DMD: variants seen among roughly 807,000 people sequenced by gnomAD.
The protein encoded by DMD is mutant dystrophin.
Under a neutral mutation model 330.1 loss-of-function variants are expected in DMD, and 63 were observed. The ratio of observed to expected loss-of-function variants is 0.19; its 90% CI spans 0.16 to 0.24. The LOEUF (loss-of-function observed/expected upper bound fraction) is 0.24. DMD is among the 10% of genes least tolerant of loss of function. The pLI, the probability that DMD is intolerant of heterozygous loss-of-function variation, is 1.00. For synonymous variants in DMD, 1,223 were observed against 959.8 expected (o/e 1.27, Z -5.07); for missense variants, 3,344 against 2,684.1 (o/e 1.25, Z -5.43).
intron 52 of DMD, among the ~76,000 whole-genome samples, chrX:31,696,799 A>G (rs888320550): frequency 4.5e-5 from 5 of 112,181 alleles, no homozygotes; most frequent in African/African-American, 1.6e-4. Context: ...TTGACTGTAC[A>G]TTGATGTGAC....
At chrX:31,145,675 T>G (rs1231761331) in intron 76 of DMD, among the ~76,000 whole-genome samples, 1 of 106,080 alleles carries the variant, frequency 9.4e-6, no homozygotes, top group Non-Finnish European at 1.9e-5. Context: ...TTTTTTTTTT[T>G]TTTTTGAGAC....
intron 47 of DMD, among the ~76,000 whole-genome samples, chrX:31,907,029 AT>A (rs1217556355): frequency 1.8e-5 from 2 of 112,232 alleles, no homozygotes; most frequent in Non-Finnish European, 3.8e-5. Flanking sequence ...TGTGATATAA[AT>A]TTGAAAAGCT....
intron 44 of DMD, among the ~76,000 whole-genome samples, chrX:32,129,688 C>CTA (rs1167932039): frequency 3.3e-4 from 22 of 66,801 alleles, no homozygotes; most frequent in East Asian, 9.2e-4. Flanking sequence ...ATATATACAT[C>CTA]TATATATATA....
At chrX:32,318,432 A>G (rs779179230) in intron 41 of DMD, among the ~76,000 whole-genome samples, 24 of 111,858 alleles carry the variant, frequency 2.1e-4, no homozygotes, top group Non-Finnish European at 3.8e-4. Context: ...TGGCATGACA[A>G]TAACAGCATT....
chrX:31,339,241 C>G (rs1189990087), intron 61 of DMD, among the ~76,000 whole-genome samples: 1 of 111,561 alleles, frequency 9.0e-6, no homozygotes, highest in Non-Finnish European at 1.9e-5. Flanking sequence ...GCAAATAAAT[C>G]TGAGAGCTTA....
intron 67 of DMD, among the ~76,000 whole-genome samples, chrX:31,191,191 ATGTGTGTGTGTG>A (rs34438085): frequency 2.8e-5 from 3 of 107,164 alleles, no homozygotes; most frequent in African/African-American, 6.8e-5. Context: ...TACAATGTGT[ATGTGTGTGTGTG>A]TGTGTGTGTG....
chrX:32,224,539 C>T (rs1044350856), intron 43 of DMD, among the ~76,000 whole-genome samples: 27 of 111,464 alleles, frequency 2.4e-4, no homozygotes, highest in African/African-American at 8.5e-4. Flanking sequence ...TTGATCTGCT[C>T]ACTCTGGTAG....
At chrX:33,282,737 T>A (rs2053356061) in intron 1 of DMD, among the ~76,000 whole-genome samples, 1 of 112,186 alleles carries the variant, frequency 8.9e-6, no homozygotes, top group South Asian at 3.7e-4. Flanking sequence ...TTGCCAGTTA[T>A]ACCAGGCTCA....
intron 1 of DMD, among the ~76,000 whole-genome samples, chrX:33,305,082 A>C (rs1279675911): frequency 9.1e-6 from 1 of 110,177 alleles, no homozygotes; most frequent in Admixed American, 9.7e-5. Context: ...TACCCAAAGG[A>C]CTATAAATCA....
chrX:33,114,266 C>A (rs996066305), intron 1 of DMD, among the ~76,000 whole-genome samples: 2 of 108,639 alleles, frequency 1.8e-5, no homozygotes, highest in Non-Finnish European at 3.8e-5. Flanking sequence ...CCCACCACCA[C>A]GCCTGGCTAA....
chrX:32,754,139 G>A lies in DMD; in HGVS notation c.650-54846C>T, dbSNP rs142181061. On this transcript the variant is annotated intron_variant, in intron 7 of 78. Coordinates refer to ENST00000357033, the MANE Select transcript of DMD (RefSeq NM_004006.3). ...AATAAAACAATATTTAGAGTTGCTGGTCACTTAATATCTACCAAGCACCTT... is the reference window on the plus strand; with the variant it reads ...AATAAAACAATATTTAGAGTTGCTGATCACTTAATATCTACCAAGCACCTT... Among the ~76,000 whole-genome samples the A allele has an allele frequency of 3.5e-3, 388 of 110,336 alleles. 5 individuals are homozygous for A. The highest frequency in any genetic ancestry group is 0.027 in the Admixed American group (278 of 10,251).
intron 48 of DMD, among the ~76,000 whole-genome samples, chrX:31,847,145 A>T (rs952043189): frequency 1.8e-5 from 2 of 111,618 alleles, no homozygotes; most frequent in African/African-American, 6.5e-5. Context: ...ATTTCCCTCT[A>T]TTGAAATGTT....
chrX:31,200,303 A>G (rs1408543159), intron 67 of DMD, among the ~76,000 whole-genome samples: 1 of 111,965 alleles, frequency 8.9e-6, no homozygotes, highest in Non-Finnish European at 1.9e-5. Flanking sequence ...GAGCAGAAGT[A>G]TCAGAAACTA....
intron 43 of DMD, among the ~76,000 whole-genome samples, chrX:32,256,089 C>G (rs1393905603): frequency 9.0e-6 from 1 of 111,556 alleles, no homozygotes. Context: ...GTATAAAAGT[C>G]TCTCACTATT....
At chrX:32,249,289 A>G (rs781492453) in intron 43 of DMD, among the ~76,000 whole-genome samples, 21 of 112,143 alleles carry the variant, frequency 1.9e-4, no homozygotes, top group Admixed American at 9.5e-4. Flanking sequence ...TTGTAAACAT[A>G]TAGCTTTATA....
chrX:32,362,282 A>G (rs1052607578), intron 37 of DMD, among the ~76,000 whole-genome samples: 2 of 53,531 alleles, frequency 3.7e-5, no homozygotes, highest in African/African-American at 1.9e-4. Flanking sequence ...CACAACCAGT[A>G]AAGAGGTAAA....
chrX:32,669,787 A>G (rs1231484701), intron 9 of DMD, among the ~76,000 whole-genome samples: 1 of 111,230 alleles, frequency 9.0e-6, no homozygotes, highest in African/African-American at 3.3e-5. Context: ...GTTGAAACAC[A>G]TGACTTGTTA....
intron 55 of DMD, among the ~76,000 whole-genome samples, chrX:31,564,068 A>C (rs951396826): frequency 9.0e-6 from 1 of 111,221 alleles, no homozygotes; most frequent in African/African-American, 3.3e-5. Context: ...AGACATCTAC[A>C]GGACAAGGAG....
chrX:33,207,820 A>G (rs1361226466), intron 1 of DMD, among the ~76,000 whole-genome samples: 1 of 111,605 alleles, frequency 9.0e-6, no homozygotes, highest in Non-Finnish European at 1.9e-5. Flanking sequence ...AGATCAGTAT[A>G]CTGCATTGAG....
Sources: gnomAD v4.1 joint callset for allele counts (sites outside exome capture counted in the v4.1 genomes callset) on GRCh38, gnomAD v4.1.1 for gene constraint, MANE v1.5 for transcripts, NCBI Gene and HGNC (gene_info 2026-07-23, HGNC 2026-07-21) for gene names.